Variants in NELL2 observed in about 807,000 individuals in gnomAD.
NELL2 encodes protein kinase C-binding protein NELL2.
NELL2 carries 41 observed loss-of-function variants against 109.6 expected under a neutral mutation model. The ratio of observed to expected loss-of-function variants is 0.37; its 90% CI spans 0.29 to 0.49. The LOEUF (loss-of-function observed/expected upper bound fraction) is 0.49, where lower values mean the gene tolerates loss of function less well. Among genes scored for constraint, NELL2 ranks in the 20% least tolerant of loss-of-function variants. The pLI, the probability that NELL2 is intolerant of heterozygous loss-of-function variation, is 0.98. For synonymous variants in NELL2, 355 were observed against 344.7 expected (o/e 1.03, Z -0.33); for missense variants, 900 against 1,008.3 (o/e 0.89, Z 1.45).
intron 10 of NELL2, among the ~76,000 whole-genome samples, chr12:44,712,138 T>C (rs1028029438): frequency 6.6e-6 from 1 of 152,058 alleles, no homozygotes; most frequent in African/African-American, 2.4e-5. Flanking sequence ...AAAACAAGGA[T>C]CATTAACTAT....
chr12:44,701,023 GGCTT>G (rs1217804440), intron 12 of NELL2, among the ~76,000 whole-genome samples: 1 of 151,924 alleles, frequency 6.6e-6, no homozygotes, highest in Admixed American at 6.6e-5. Context: ...TGCAAACAAT[GGCTT>G]GCTTATTTTT....
In NELL2 at chr12:44,713,161, G is replaced by A. The variant is rs1938298627; in HGVS notation, c.1086+1489C>T. ...TTATCAGTATTATGAGACACATTCT[G>A]GTAAAATGAATAGGATACACACACA... is the stretch of plus-strand genomic sequence containing the variant. On this transcript the variant is annotated intron_variant, in intron 10 of 19. Transcript: ENST00000429094. Among the ~76,000 whole-genome samples the A allele has an allele frequency of 2.8e-5, 4 of 144,402 alleles. No individual in the cohort carries two copies. The South Asian group carries it at 8.9e-4, about 32-fold the overall frequency. The allele number at this position is 144,402 out of a possible 152,430, so 94.7% of individuals were successfully genotyped here.
At chr12:44,752,042 G>A (rs886974480) in intron 9 of NELL2, among the ~76,000 whole-genome samples, 1 of 152,118 alleles carries the variant, frequency 6.6e-6, no homozygotes, top group Non-Finnish European at 1.5e-5. Context: ...GCCATCCTGG[G>A]CTGCATGCAG....
intron 9 of NELL2, among the ~76,000 whole-genome samples, chr12:44,755,616 A>C (rs1468111394): frequency 1.3e-5 from 2 of 152,136 alleles, no homozygotes; most frequent in African/African-American, 4.8e-5. Flanking sequence ...GCTCTCAATC[A>C]GACCTTTTAC....
intron 13 of NELL2, 29 bp from the exon 14 acceptor site, chr12:44,610,999 C>A (rs920992676): frequency 2.5e-6 from 4 of 1,606,542 alleles, no homozygotes; most frequent in Non-Finnish European, 2.6e-6. Context: ...TTTTGTTACT[C>A]AAAGTTATAT....
chr12:44,567,739 A>G (rs1402673884), intron 15 of NELL2, among the ~76,000 whole-genome samples: 2 of 152,290 alleles, frequency 1.3e-5, no homozygotes, highest in East Asian at 1.9e-4. Context: ...CATTCACCTC[A>G]TATCATTACC....
intron 2 of NELL2, among the ~76,000 whole-genome samples, chr12:44,852,318 A>G (rs1944557846): frequency 6.6e-6 from 1 of 152,230 alleles, no homozygotes; most frequent in South Asian, 2.1e-4. Context: ...ACAGTGTGGA[A>G]GAGAAAATTA....
chr12:44,536,082 T>C (rs916522329), intron 15 of NELL2, among the ~76,000 whole-genome samples: 1 of 151,972 alleles, frequency 6.6e-6, no homozygotes, highest in South Asian at 2.1e-4. Flanking sequence ...GGTTAGTCAG[T>C]AGACAATGAA....
At chr12:44,764,437 C>T (rs10880677) in intron 9 of NELL2, among the ~76,000 whole-genome samples, 33,347 of 151,980 alleles carry the variant, frequency 0.22, 3,907 homozygotes, top group East Asian at 0.27. Flanking sequence ...TTGATTTTTC[C>T]CTCTTCTCTT....
intron 19 of NELL2, among the ~76,000 whole-genome samples, chr12:44,518,879 C>G (rs1941400454): frequency 6.6e-6 from 1 of 152,178 alleles, no homozygotes; most frequent in Admixed American, 6.5e-5. Context: ...GTAATAGTAA[C>G]TTTTAAATTT....
chr12:44,775,225 A>G (rs928488587), intron 8 of NELL2, among the ~76,000 whole-genome samples: 2 of 151,164 alleles, frequency 1.3e-5, no homozygotes, highest in African/African-American at 4.9e-5. Flanking sequence ...ACATGCACGC[A>G]CGCACACACA....
intron 15 of NELL2, among the ~76,000 whole-genome samples, chr12:44,605,948 T>C (rs1421317845): frequency 1.3e-5 from 2 of 152,142 alleles, no homozygotes; most frequent in Admixed American, 1.3e-4. Flanking sequence ...TGATAGTTAC[T>C]AAAAACCTGT....
chr12:44,721,825 T>C (rs1938789018), intron 9 of NELL2, among the ~76,000 whole-genome samples: 1 of 152,064 alleles, frequency 6.6e-6, no homozygotes, highest in South Asian at 2.1e-4. Context: ...GGTGTGCAGG[T>C]AAAACAAAAG....
intron 1 of NELL2, among the ~76,000 whole-genome samples, chr12:44,897,396 C>A (rs534807772): frequency 6.6e-6 from 1 of 152,222 alleles, no homozygotes; most frequent in South Asian, 2.1e-4. Flanking sequence ...GCAGGTGATA[C>A]CTGCATTTCC....
intron 15 of NELL2, among the ~76,000 whole-genome samples, chr12:44,543,828 A>T (rs1354438471): frequency 1.3e-5 from 2 of 152,110 alleles, no homozygotes; most frequent in Non-Finnish European, 2.9e-5. Flanking sequence ...AACCTCGAGG[A>T]TCTTCACTTT....
At chr12:44,641,524 A>T (rs562908958) in intron 13 of NELL2, among the ~76,000 whole-genome samples, 2 of 152,218 alleles carry the variant, frequency 1.3e-5, no homozygotes, top group Admixed American at 6.5e-5. Context: ...TGTTAAAAAA[A>T]TAATGAGGAA....
rs1941620236 is a variant in NELL2, at chr12:44,523,284, T to C, written c.1998+7A>G. Reference sequence around the variant, plus strand: ...AAAATTAATTAAAGTTTTTCATTTATACCAACCTGACATGAGCACACAGAG... The same window carrying C: ...AAAATTAATTAAAGTTTTTCATTTACACCAACCTGACATGAGCACACAGAG... On this transcript the variant is annotated splice_region_variant and intron_variant, in intron 17 of 19. Transcript: ENST00000429094. 1 of 1,614,096 alleles carries C rather than the reference T, an allele frequency of 6.2e-7. No individual in the cohort carries two copies. The highest frequency in any genetic ancestry group is 8.5e-7 in the Non-Finnish European group (1 of 1,179,942).
intron 13 of NELL2, among the ~76,000 whole-genome samples, chr12:44,624,454 T>G (rs1946162584): frequency 6.6e-6 from 1 of 152,232 alleles, no homozygotes; most frequent in South Asian, 2.1e-4. Flanking sequence ...TCTACCCTCC[T>G]CTAATTACAC....
At chr12:44,876,940 C>T (rs947877754), upstream of NELL2, 33 of 1,201,452 alleles carry the variant, frequency 2.7e-5, no homozygotes, top group Non-Finnish European at 3.4e-5. Context: ...AGAGCTTCCC[C>T]GGCGCGGAGA....
Sources: allele counts gnomAD v4.1 joint callset (sites outside exome capture counted in the v4.1 genomes callset), GRCh38; gene constraint gnomAD v4.1.1; transcripts MANE v1.5; gene names NCBI Gene and HGNC (gene_info 2026-07-23, HGNC 2026-07-21).